The following ANKRD28 variants were observed in gnomAD, a reference collection of about 807,000 sequenced individuals.
ANKRD28 encodes serine/threonine-protein phosphatase 6 regulatory ankyrin repeat subunit A.
A neutral mutation model predicts 126.5 loss-of-function variants in ANKRD28; 44 were observed. The observed-to-expected ratio is 0.35, with a 90% CI of 0.27 to 0.45. The LOEUF (loss-of-function observed/expected upper bound fraction) is 0.45. ANKRD28 is among the 20% of genes least tolerant of loss of function. ANKRD28 has a pLI of 1.00. For missense variants in ANKRD28, 1,110 were observed against 1,316.6 expected (o/e 0.84, Z 2.43); for synonymous variants, 442 against 468.5 (o/e 0.94, Z 0.73).
At chr3:15,832,798 A>T (rs984559890) in intron 1 of ANKRD28, among the ~76,000 whole-genome samples, 3 of 152,194 alleles carry the variant, frequency 2.0e-5, no homozygotes, top group African/African-American at 7.2e-5. Context: ...TTCTTTATAC[A>T]TATACACCAC....
chr3:15,716,668 AAAC>A (rs1022983771), intron 8 of ANKRD28, among the ~76,000 whole-genome samples: 7 of 152,180 alleles, frequency 4.6e-5, no homozygotes, highest in African/African-American at 9.7e-5. Flanking sequence ...AAAACTAACT[AAAC>A]AACCCCCACA....
At chr3:15,691,248 C>T (rs929588165) in intron 17 of ANKRD28, among the ~76,000 whole-genome samples, 5 of 152,024 alleles carry the variant, frequency 3.3e-5, no homozygotes, top group Non-Finnish European at 7.4e-5. Context: ...CTCAGTCTCC[C>T]GAGTAGCTGG....
At chr3:15,746,806 CT>C (rs1433639063) in intron 4 of ANKRD28, among the ~76,000 whole-genome samples, 1 of 152,170 alleles carries the variant, frequency 6.6e-6, no homozygotes, top group African/African-American at 2.4e-5. Flanking sequence ...TAGAATTCAG[CT>C]GTGAATCTAT....
At chr3:15,702,697 T>C (rs2070785644) in intron 14 of ANKRD28, among the ~76,000 whole-genome samples, 1 of 152,114 alleles carries the variant, frequency 6.6e-6, no homozygotes, top group South Asian at 2.1e-4. Context: ...ATGTGTCCCA[T>C]GGCTAGTCAG....
At position 15,724,524 on chromosome 3, in the gene ANKRD28, C is replaced by T; in HGVS notation, c.641G>A (p.Gly214Asp). 6.4e-7 allele frequency: 1 copy of T among 1,566,360 alleles called. No homozygotes were observed. Residue 214 changes from glycine to aspartate, a missense_variant and splice_region_variant, in exon 7 of 28, where the codon GGT becomes GAT. By Grantham distance (94) the Gly-to-Asp change is moderately conservative. Transcript: ENST00000683139. ...RRAIHWAAYM[G>D]HIEVVKLLVS... ...AAGCAATTTCACTACTTCAATGTGACCTAAAAATGTGTTTTTGAAGAAAAA... is the reference window on the plus strand; with the variant it reads ...AAGCAATTTCACTACTTCAATGTGATCTAAAAATGTGTTTTTGAAGAAAAA...
intron 6 of ANKRD28, among the ~76,000 whole-genome samples, chr3:15,735,010 A>C (rs2074923923): frequency 1.3e-5 from 2 of 152,208 alleles, no homozygotes; most frequent in South Asian, 4.1e-4. Context: ...TATAGAAATC[A>C]AACATGGTAA....
intron 2 of ANKRD28, among the ~76,000 whole-genome samples, chr3:15,794,128 T>G (rs1304299692): frequency 1.3e-5 from 2 of 152,072 alleles, no homozygotes; most frequent in Non-Finnish European, 2.9e-5. Context: ...TGTTTCCAAC[T>G]AAATATAAAC....
chr3:15,698,815 C>T (rs900154774), intron 14 of ANKRD28, among the ~76,000 whole-genome samples: 1 of 152,140 alleles, frequency 6.6e-6, no homozygotes, highest in African/African-American at 2.4e-5. Flanking sequence ...GCCATACTAC[C>T]CGAGGTACTT....
chr3:15,855,854 T>C (rs1344802795), intron 1 of ANKRD28, among the ~76,000 whole-genome samples: 1 of 152,196 alleles, frequency 6.6e-6, no homozygotes, highest in African/African-American at 2.4e-5. Flanking sequence ...TGGATGGTGA[T>C]AATGGTTTGC....
At chr3:15,675,865 A>G (rs753538744) in intron 27 of ANKRD28, 33 bp downstream of exon 27, 4 of 1,500,570 alleles carry the variant, frequency 2.7e-6, no homozygotes, top group Non-Finnish European at 3.6e-6. Context: ...TAAAAGCTCT[A>G]GGTTAAGGGA....
rs2069294100 is a variant in ANKRD28, at chr3:15,694,767, CTAT to C, written c.1730_1732del (p.Asn577del). ...CAAGTGTAAAGGGCTTATTGTTGCTCTATTATCTGAATCACTCAGCATGTCTGT... is the reference window on the plus strand; with the variant it reads ...CAAGTGTAAAGGGCTTATTGTTGCTCTATCTGAATCACTCAGCATGTCTGT... On this transcript the variant is annotated inframe_deletion, in exon 17 of 28. Transcript: ENST00000683139. The C allele has an allele frequency of 1.9e-6, 3 of 1,613,484 alleles. No individual in the cohort carries two copies. The highest frequency in any genetic ancestry group is 2.5e-6 in the Non-Finnish European group (3 of 1,179,512).
chr3:15,762,967 T>A (rs2058568267), intron 3 of ANKRD28, among the ~76,000 whole-genome samples: 1 of 152,198 alleles, frequency 6.6e-6, no homozygotes, highest in Non-Finnish European at 1.5e-5. Flanking sequence ...TGTATCCAAA[T>A]CTGTCTGGCA....
chr3:15,851,765 C>G (rs893139184), intron 1 of ANKRD28, among the ~76,000 whole-genome samples: 1 of 152,166 alleles, frequency 6.6e-6, no homozygotes, highest in African/African-American at 2.4e-5. Flanking sequence ...AGTTACCATA[C>G]TACCCAATGA....
At position 15,813,526 on chromosome 3, in the gene ANKRD28, A is replaced by T. The variant is rs2060768857; in HGVS notation, c.28-18220T>A. ...GTTTGGGATCATAAGATATTTAACAAAAAGTACAGCATACTGCACCTTGGT... is the reference window on the plus strand; with the variant it reads ...GTTTGGGATCATAAGATATTTAACATAAAGTACAGCATACTGCACCTTGGT... On this transcript the variant is annotated intron_variant, in intron 1 of 27. Coordinates refer to the ANKRD28 transcript ENST00000399451. Among the ~76,000 whole-genome samples, 3 of 152,218 alleles carry T rather than the reference A, an allele frequency of 2.0e-5. No individual in the cohort carries two copies. In the South Asian group the frequency reaches 6.2e-4, roughly 32 times the overall value.
chr3:15,710,833 G>A (rs2072170647), intron 12 of ANKRD28, among the ~76,000 whole-genome samples: 1 of 151,220 alleles, frequency 6.6e-6, no homozygotes, highest in Non-Finnish European at 1.5e-5. Flanking sequence ...TTTTTTTCCT[G>A]GGGGAAAAAA....
chr3:15,739,957 G>T (rs1360248360), intron 4 of ANKRD28, among the ~76,000 whole-genome samples: 1 of 152,128 alleles, frequency 6.6e-6, no homozygotes, highest in Admixed American at 6.5e-5. Context: ...ATCCATCCAA[G>T]AATGCTCATA....
chr3:15,720,505 A>C lies in ANKRD28; in HGVS notation c.996+410T>G, dbSNP rs142705054. Among the ~76,000 whole-genome samples, 661 of 152,338 alleles carry C rather than the reference A, an allele frequency of 4.3e-3. 8 individuals carry two copies. Among genetic ancestry groups the C allele is most frequent in the African/African-American group, 0.014 (593 of 41,578 alleles). ...CTGTTTAGTATTTTCCTTCTAAGAGAAAATTTATATGCTATGAAAGCATAC... is the reference window on the plus strand; with the variant it reads ...CTGTTTAGTATTTTCCTTCTAAGAGCAAATTTATATGCTATGAAAGCATAC... On this transcript the variant is annotated intron_variant, in intron 8 of 27. Transcript: ENST00000683139.
At chr3:15,679,585 G>A (rs1413920248) in intron 21 of ANKRD28, 22 bp from the exon 22 acceptor site, 1 of 1,583,820 alleles carries the variant, frequency 6.3e-7, no homozygotes, top group South Asian at 1.1e-5. Context: ...TAAAGAACCA[G>A]GTATTAAAAT....
intron 14 of ANKRD28, among the ~76,000 whole-genome samples, chr3:15,699,705 G>C (rs1172041440): frequency 6.6e-6 from 1 of 152,244 alleles, no homozygotes; most frequent in East Asian, 1.9e-4. Flanking sequence ...ACGCCAGTTA[G>C]AATGGCCATC....
Sources: gnomAD v4.1 joint callset for allele counts (sites outside exome capture counted in the v4.1 genomes callset) on GRCh38, gnomAD v4.1.1 for gene constraint, MANE v1.5 for transcripts, NCBI Gene and HGNC (gene_info 2026-07-23, HGNC 2026-07-21) for gene names.